The following SPEF2 variants were observed in gnomAD, a reference collection of about 807,000 sequenced individuals.
SPEF2 encodes the protein sperm flagellar and cilia associated 2, also known as sperm flagella and cilia-associated protein 2.
Under a neutral mutation model 224.6 loss-of-function variants are expected in SPEF2, and 187 were observed. That is an observed-to-expected ratio of 0.83 (90% CI 0.74 to 0.94). SPEF2 has a LOEUF of 0.94. SPEF2 is among the 40% of genes least tolerant of loss of function. The probability of loss-of-function intolerance (pLI) is 0.00; values close to 1 mark genes in which losing one functional copy is unlikely to be tolerated. For synonymous variants in SPEF2, 715 were observed against 707.3 expected, an observed-to-expected ratio of 1.01 and a Z score of -0.17; for missense variants, 2,170 against 2,135.6, an observed-to-expected ratio of 1.02 and a Z score of -0.32.
intron 5 of SPEF2, among the ~76,000 whole-genome samples, chr5:35,648,871 G>T (rs999435269): frequency 6.6e-6 from 1 of 151,976 alleles, no homozygotes; most frequent in South Asian, 2.1e-4. Context: ...AAAGTTAGCC[G>T]GTTGTGGTGG....
chr5:35,797,317 GGTGTGTGTGTGTGTGTGTGT>G (rs3219619), intron 33 of SPEF2, among the ~76,000 whole-genome samples: 1 of 142,124 alleles, frequency 7.0e-6, no homozygotes. Flanking sequence ...ATGGCTGACG[GGTGTGTGTGTGTGTGTGTGT>G]GTGTGTGTGT....
intron 20 of SPEF2, among the ~76,000 whole-genome samples, chr5:35,720,191 G>A (rs1171548200): frequency 1.3e-5 from 2 of 152,216 alleles, no homozygotes; most frequent in Non-Finnish European, 2.9e-5. Flanking sequence ...ACCAGGCAGA[G>A]AGAAACAAAC....
chr5:35,697,381 A>C (rs764243794), intron 14 of SPEF2, among the ~76,000 whole-genome samples: 2 of 152,180 alleles, frequency 1.3e-5, no homozygotes, highest in Admixed American at 6.5e-5. Context: ...CCCTGTCTGC[A>C]TGGCATGAGT....
intron 16 of SPEF2, chr5:35,702,100 G>A (rs1283130348): frequency 2.4e-6 from 1 of 412,444 alleles, no homozygotes; most frequent in East Asian, 7.2e-5. Flanking sequence ...TGTCTCATAA[G>A]CCAAGGGAGG....
In SPEF2 at chr5:35,630,467, C is replaced by T. The variant is rs113870291; in HGVS notation, c.161+1905C>T. On this transcript the variant is annotated intron_variant, in intron 2 of 36. Coordinates refer to ENST00000356031, the MANE Select transcript of SPEF2 (RefSeq NM_024867.4). Reference sequence around the variant, plus strand: ...ATCCCAGCACTTTGGGAGGCTGAGGCGGGTGGATCACAAGGTCAGGAGATC... The same window carrying T: ...ATCCCAGCACTTTGGGAGGCTGAGGTGGGTGGATCACAAGGTCAGGAGATC... Among the ~76,000 whole-genome samples, 1,016 of 152,212 alleles carry T rather than the reference C, an allele frequency of 6.7e-3. 8 individuals are homozygous for T. Among genetic ancestry groups the T allele is most frequent in the African/African-American group, 0.023 (959 of 41,532 alleles).
chr5:35,813,679 C>G (rs1758672027), intron 36 of SPEF2, among the ~76,000 whole-genome samples: 1 of 152,072 alleles, frequency 6.6e-6, no homozygotes, highest in East Asian at 1.9e-4. Context: ...CTGATAGAAG[C>G]AGTGCATATG....
chr5:35,763,422 A>T lies in SPEF2; in HGVS notation c.3621-100A>T, dbSNP rs554918683. The T allele has an allele frequency of 9.9e-6, 11 of 1,109,660 alleles. No individual in the cohort carries two copies. In the African/African-American group the frequency reaches 1.7e-4, roughly 18 times the overall value. The allele number at this position is 1,109,660 out of a possible 1,614,324, so 68.7% of individuals were successfully genotyped here. A position where few individuals can be genotyped will look rare whatever the true frequency, so the allele number is the denominator to read the frequency against. On this transcript the variant is annotated intron_variant, in intron 25 of 36. Coordinates refer to ENST00000356031, the MANE Select transcript of SPEF2 (RefSeq NM_024867.4). ...TTTCAGGAAAACTTTGAAAATTGAG[A>T]TTAAACCAAGACAGTAAAATTTACA... is the stretch of plus-strand genomic sequence containing the variant.
intron 8 of SPEF2, among the ~76,000 whole-genome samples, chr5:35,662,982 T>G (rs558869014): frequency 5.9e-4 from 90 of 152,304 alleles, no homozygotes; most frequent in African/African-American, 2.1e-3. Context: ...TTCTTAACTA[T>G]GCTCACAAAG....
intron 6 of SPEF2, among the ~76,000 whole-genome samples, chr5:35,653,966 A>AT (rs1296655429): frequency 4.5e-4 from 56 of 124,176 alleles, no homozygotes; most frequent in Non-Finnish European, 7.4e-4. Flanking sequence ...AAAAAAAAAA[A>AT]GTAAAATAAC....
intron 19 of SPEF2, chr5:35,709,412 C>T (rs1740653087): frequency 8.6e-7 from 1 of 1,156,730 alleles, no homozygotes; most frequent in African/African-American, 1.6e-5. Flanking sequence ...TAACAGGTAA[C>T]TTCAGGCAGA....
intron 32 of SPEF2, among the ~76,000 whole-genome samples, chr5:35,794,288 G>T (rs1169318824): frequency 6.6e-6 from 1 of 152,182 alleles, no homozygotes; most frequent in East Asian, 1.9e-4. Flanking sequence ...CTTTCAGAAG[G>T]AGCTAACTTT....
At chr5:35,708,858 T>C in intron 18 of SPEF2, 90 bp from the exon 19 acceptor site, 1 of 1,207,368 alleles carries the variant, frequency 8.3e-7, no homozygotes, top group Non-Finnish European at 1.2e-6. Context: ...GTAAGATTGT[T>C]TTATATTAAT....
intron 36 of SPEF2, among the ~76,000 whole-genome samples, chr5:35,811,181 G>T (rs750305114): frequency 6.6e-6 from 1 of 151,988 alleles, no homozygotes; most frequent in Non-Finnish European, 1.5e-5. Context: ...CACTGCACTC[G>T]TCCTGTCATT....
intron 24 of SPEF2, among the ~76,000 whole-genome samples, chr5:35,756,022 A>AGGTTTATTT (rs1349523597): frequency 6.6e-6 from 1 of 152,128 alleles, no homozygotes; most frequent in Non-Finnish European, 1.5e-5. Flanking sequence ...CCTTCTCCTC[A>AGGTTTATTT]GGTTTATTTT....
At chr5:35,813,087 A>C (rs1053279065) in intron 36 of SPEF2, among the ~76,000 whole-genome samples, 5 of 152,198 alleles carry the variant, frequency 3.3e-5, no homozygotes, top group Admixed American at 2.0e-4. Context: ...CTTGCTATGG[A>C]GTGTCAGATA....
chr5:35,652,987 A>G (rs922752511), intron 6 of SPEF2, among the ~76,000 whole-genome samples: 9 of 152,224 alleles, frequency 5.9e-5, no homozygotes, highest in African/African-American at 2.2e-4. Context: ...CATTATTTCT[A>G]GGCAAGTAAC....
Position 35,791,527 on chromosome 5 carries a change from C to A in SPEF2, c.4448-813C>A, listed in dbSNP as rs1442108626. The A allele has an allele frequency of 2.0e-5, 3 of 152,102 alleles. 1 individual carries two copies. Among genetic ancestry groups the A allele is most frequent in the Non-Finnish European group, 4.4e-5 (3 of 67,974 alleles). 9.4% of individuals were successfully genotyped at this position (152,102 alleles called of 1,614,324 possible). On this transcript the variant is annotated intron_variant, in intron 30 of 36. Transcript: ENST00000356031. ...ACAAAGAATAGCTATGTACTCTGGA[C>A]CTGAAAGATCCCTGGATACACATTA...
chr5:35,710,892 C>A (rs759641583), intron 19 of SPEF2: 34 of 984,742 alleles, frequency 3.5e-5, no homozygotes, highest in Non-Finnish European at 4.0e-5. Context: ...AAGGTCAAGG[C>A]TAGTGCCTGA....
intron 21 of SPEF2, among the ~76,000 whole-genome samples, chr5:35,733,050 A>T (rs1295672365): frequency 6.6e-6 from 1 of 152,126 alleles, no homozygotes; most frequent in Non-Finnish European, 1.5e-5. Flanking sequence ...CTGGGAACAT[A>T]TCCCCCCCTG....
Sources: allele counts gnomAD v4.1 joint callset (sites outside exome capture counted in the v4.1 genomes callset), GRCh38; gene constraint gnomAD v4.1.1; transcripts MANE v1.5; gene names NCBI Gene and HGNC (gene_info 2026-07-23, HGNC 2026-07-21).